LGMN: variants seen among roughly 807,000 people sequenced by gnomAD.
LGMN encodes asparaginyl endopeptidase.
Under a neutral mutation model 56.8 loss-of-function variants are expected in LGMN, and 36 were observed. The observed-to-expected ratio is 0.63, with a 90% CI of 0.49 to 0.84. The LOEUF (loss-of-function observed/expected upper bound fraction) is 0.84. Among genes scored for constraint, LGMN ranks in the 40% least tolerant of loss-of-function variants. LGMN has a pLI of 0.00. For missense variants in LGMN, 446 were observed against 556.1 expected, an observed-to-expected ratio of 0.80 and a Z score of 1.99; for synonymous variants, 199 against 210.1, an observed-to-expected ratio of 0.95 and a Z score of 0.46.
At chr14:92,736,647 G>C (rs1289574428) in intron 1 of LGMN, among the ~76,000 whole-genome samples, 2 of 152,074 alleles carry the variant, frequency 1.3e-5, no homozygotes, top group African/African-American at 2.4e-5. Flanking sequence ...AAATGCTTTT[G>C]TTCTTAAGAT....
At position 92,716,205 on chromosome 14, in the gene LGMN, T is replaced by C. The variant is rs1229274479; in HGVS notation, c.335A>G (p.Asn112Ser). The change falls in exon 5 of 14, where the codon AAT becomes AGT. Residue 112 changes from asparagine (N) to serine (S), a missense_variant. By Grantham distance (46) the Asn-to-Ser change is conservative. Coordinates refer to ENST00000334869, the MANE Select transcript of LGMN (RefSeq NM_005606.7). ...ATCGCCTCTCAACACAGCAAGGAAA[T>C]TTTGTGGGGTAACATCCTACAAAGA... is the stretch of plus-strand genomic sequence containing the variant. The part of the protein sequence containing the change: ...DYTGEDVTPQ[N>S]FLAVLRGDAE... 1.5e-5 allele frequency: 24 copies of C among 1,613,132 alleles called. No individual in the cohort carries two copies. The highest frequency in any genetic ancestry group is 1.9e-5 in the Non-Finnish European group (22 of 1,179,310).
At chr14:92,737,485 C>G (rs1891358797) in intron 1 of LGMN, among the ~76,000 whole-genome samples, 1 of 152,196 alleles carries the variant, frequency 6.6e-6, no homozygotes, top group South Asian at 2.1e-4. Context: ...TGGCCTAGTC[C>G]TGCCCACAAA....
At chr14:92,708,881 A>AAAAAAAAAAAAAAAAAAAAC (rs1889587964) in intron 11 of LGMN, among the ~76,000 whole-genome samples, 1 of 146,402 alleles carries the variant, frequency 6.8e-6, no homozygotes, top group African/African-American at 2.5e-5. Context: ...AAAAAAAAAA[A>AAAAAAAAAAAAAAAAAAAAC]TCTTGCCTAG....
intron 1 of LGMN, chr14:92,741,364 C>T (rs1459380307): frequency 6.6e-6 from 1 of 152,148 alleles, no homozygotes; most frequent in East Asian, 1.9e-4. Flanking sequence ...AGTTCACATC[C>T]AGGTCTGATA....
At chr14:92,711,561 C>T in intron 10 of LGMN, 98 bp downstream of exon 10, 2 of 1,137,702 alleles carry the variant, frequency 1.8e-6, no homozygotes, top group Non-Finnish European at 1.3e-6. Context: ...GCATTCCTCA[C>T]TCAGATCCCA....
Position 92,714,542 on chromosome 14 carries a change from GT to G in LGMN, c.405-92del. The G allele has an allele frequency of 1.0e-6, 1 of 959,240 alleles. No homozygotes were observed. Among genetic ancestry groups the G allele is most frequent in the Non-Finnish European group, 1.6e-6 (1 of 625,374 alleles). The allele number at this position is 959,240 out of a possible 1,614,324, so 59.4% of individuals were successfully genotyped here. On this transcript the variant is annotated intron_variant, in intron 5 of 13. Transcript: ENST00000334869. The surrounding 1 kb of genome is among the most constrained non-coding windows in gnomAD (Gnocchi z 5.1). ...GCTGCCCTAATCAAAAAATTAAGAA[GT>G]TTGGGGAGTAGAGTTGCCCAACCAG... is the stretch of plus-strand genomic sequence containing the variant.
At chr14:92,706,323 A>C in intron 12 of LGMN, 160 bp downstream of exon 12, 1 of 548,958 alleles carries the variant, frequency 1.8e-6, no homozygotes, top group Non-Finnish European at 3.0e-6. Flanking sequence ...CAAGATTTAA[A>C]ATTAGTGAAT....
At chr14:92,725,153 G>A (rs115519226) in intron 2 of LGMN, among the ~76,000 whole-genome samples, 190 of 152,304 alleles carry the variant, frequency 1.2e-3, no homozygotes, top group African/African-American at 4.3e-3. Flanking sequence ...TTACAAGGAC[G>A]GCCCTGCTGC....
chr14:92,738,966 C>G (rs1265592917), intron 1 of LGMN, among the ~76,000 whole-genome samples: 1 of 151,088 alleles, frequency 6.6e-6, no homozygotes, highest in Non-Finnish European at 1.5e-5. Flanking sequence ...TTGCAGTGAG[C>G]CAAGATCGCA....
chr14:92,719,308 G>A (rs867958445), intron 2 of LGMN, among the ~76,000 whole-genome samples: 1,469 of 26,594 alleles, frequency 0.055, 87 homozygotes, highest in African/African-American at 0.19. Context: ...CGCCACCGCC[G>A]CCACCGCCGC....
Position 92,745,650 on chromosome 14 carries a change from C to A in LGMN, c.-30+2839G>T, listed in dbSNP as rs114936946. On this transcript the variant is annotated intron_variant, in intron 1 of 13. Transcript: ENST00000334869. ...TTTAGGCTGTTTCCAATTTTTTAAA[C>A]CATTATAAACAGTGTTGCCACAAAC... Among the ~76,000 whole-genome samples, 1,195 of 152,312 alleles carry A rather than the reference C, an allele frequency of 7.8e-3. 15 individuals carry two copies. Among genetic ancestry groups the A allele is most frequent in the African/African-American group, 0.027 (1,128 of 41,566 alleles).
chr14:92,738,651 G>A (rs114047344), intron 1 of LGMN, among the ~76,000 whole-genome samples: 1,657 of 152,028 alleles, frequency 0.011, 19 homozygotes, highest in African/African-American at 0.038. Context: ...TATAAACACA[G>A]AGTCGTGATT....
At chr14:92,738,623 T>G (rs1306431684) in intron 1 of LGMN, among the ~76,000 whole-genome samples, 2 of 151,982 alleles carry the variant, frequency 1.3e-5, no homozygotes, top group Non-Finnish European at 2.9e-5. Context: ...ATGGTCCTGC[T>G]CCATCGTTCT....
chr14:92,722,187 T>TA (rs1418081888), intron 2 of LGMN, among the ~76,000 whole-genome samples: 2 of 152,012 alleles, frequency 1.3e-5, no homozygotes, highest in African/African-American at 4.8e-5. Context: ...TTTTTTTTTT[T>TA]AGCAAGGTGC....
intron 11 of LGMN, among the ~76,000 whole-genome samples, chr14:92,709,431 G>A (rs1190760652): frequency 4.6e-5 from 7 of 152,196 alleles, no homozygotes; most frequent in Admixed American, 6.5e-5. Context: ...CGATACAGGG[G>A]AGATAGGCCC....
intron 2 of LGMN, among the ~76,000 whole-genome samples, chr14:92,728,877 C>T (rs1457460183): frequency 2.6e-5 from 4 of 152,236 alleles, no homozygotes; most frequent in East Asian, 1.9e-4. Flanking sequence ...TCTAATAGGA[C>T]CTATCCTCTT....
At chr14:92,738,570 G>A (rs1410464508) in intron 1 of LGMN, among the ~76,000 whole-genome samples, 10 of 151,208 alleles carry the variant, frequency 6.6e-5, no homozygotes, top group African/African-American at 2.4e-4. Flanking sequence ...GAGCCACCGC[G>A]CCCAGCCAAA....
At chr14:92,728,406 G>T (rs765618355) in intron 2 of LGMN, among the ~76,000 whole-genome samples, 7 of 152,176 alleles carry the variant, frequency 4.6e-5, no homozygotes, top group Non-Finnish European at 1.0e-4. Context: ...GTAATCCTAG[G>T]CCATCCACCT....
chr14:92,725,639 G>A (rs1008690180), intron 2 of LGMN, among the ~76,000 whole-genome samples: 4 of 151,676 alleles, frequency 2.6e-5, no homozygotes, highest in South Asian at 2.1e-4. Flanking sequence ...GCAGTGGCAC[G>A]AACTTGGCTC....
Sources: gnomAD v4.1 joint callset for allele counts (sites outside exome capture counted in the v4.1 genomes callset) on GRCh38, gnomAD v4.1.1 for gene constraint, Gnocchi (gnomAD v3.1) non-coding constraint, MANE v1.5 for transcripts, NCBI Gene and HGNC (gene_info 2026-07-23, HGNC 2026-07-21) for gene names.